The following OR4D1 variants were observed in gnomAD, a reference collection of about 807,000 sequenced individuals.
OR4D1 encodes olfactory receptor 4D1.
A neutral mutation model predicts 14.2 loss-of-function variants in OR4D1; 10 were observed. That is an observed-to-expected ratio of 0.71 (90% CI 0.44 to 1.20). The LOEUF (loss-of-function observed/expected upper bound fraction) is 1.20, where lower values mean the gene tolerates loss of function less well. Ranked by LOEUF, OR4D1 falls within the 50% of genes most tolerant of loss-of-function variation. The pLI is 0.00. For missense variants in OR4D1, 345 were observed against 376.6 expected, an observed-to-expected ratio of 0.92 and a Z score of 0.70; for synonymous variants, 141 against 147.4, an observed-to-expected ratio of 0.96 and a Z score of 0.32.
chr17:58,155,139 G>T lies in OR4D1; in HGVS notation c.-15G>T. ...GTTTCAATGGTTTCTCTGTAGGAACGTGGGGGAAGATCCTATGGAACCACA... is the reference window on the plus strand; with the variant it reads ...GTTTCAATGGTTTCTCTGTAGGAACTTGGGGGAAGATCCTATGGAACCACA... On this transcript the variant is annotated 5_prime_UTR_variant, in exon 4 of 4. Coordinates refer to ENST00000268912, the MANE Select transcript of OR4D1 (RefSeq NM_001386095.1). The T allele has an allele frequency of 6.3e-7, 1 of 1,579,492 alleles. No homozygotes were observed. Among genetic ancestry groups the T allele is most frequent in the South Asian group, 1.1e-5 (1 of 88,156 alleles).
In OR4D1 at chr17:58,155,784, TTCC is replaced by T. The variant is rs1330694024; in HGVS notation, c.639_641del (p.Leu215del). 2 of 1,614,166 alleles carry T rather than the reference TTCC, an allele frequency of 1.2e-6. No individual in the cohort carries two copies. Among genetic ancestry groups the T allele is most frequent in the Admixed American group, 3.3e-5 (2 of 60,008 alleles). ...CAGTGGGCTGCTAGTTATCATCTGG[TTCC>T]TCCTCCTTCTGATCTCTTATACTGT... On this transcript the variant is annotated inframe_deletion, in exon 4 of 4. Transcript: ENST00000268912.
intron 2 of OR4D1, among the ~76,000 whole-genome samples, chr17:58,152,934 G>GA (rs1264388221): frequency 1.3e-5 from 2 of 151,754 alleles, no homozygotes; most frequent in Admixed American, 6.6e-5. Flanking sequence ...GACCCTGTCT[G>GA]AAAAAAAGAA....
In OR4D1 at chr17:58,159,397, G is replaced by A. The variant is rs1967822080; in HGVS notation, c.*3311G>A. ...ATAAAAGAGACTTCATGCAGCATTA[G>A]GCTCGCTAGCCCTTTGGTCTTCTGC... On this transcript the variant is annotated 3_prime_UTR_variant, in exon 4 of 4. Coordinates refer to ENST00000268912, the MANE Select transcript of OR4D1 (RefSeq NM_001386095.1). 1 of 152,222 alleles carries A rather than the reference G, an allele frequency of 6.6e-6. No individual in the cohort carries two copies. The highest frequency in any genetic ancestry group is 1.5e-5 in the Non-Finnish European group (1 of 68,056). The allele number at this position is 152,222 out of a possible 1,614,324, so 9.4% of individuals were successfully genotyped here. A position where few individuals can be genotyped will look rare whatever the true frequency, so the allele number is the denominator to read the frequency against.
At position 58,159,022 on chromosome 17, in the gene OR4D1, A is replaced by ATCCCTCC. The variant is rs1967816962; in HGVS notation, c.*2936_*2937insTCCCTCC. 1 of 152,144 alleles carries ATCCCTCC rather than the reference A, an allele frequency of 6.6e-6. No homozygotes were observed. The highest frequency in any genetic ancestry group is 1.5e-5 in the Non-Finnish European group (1 of 68,026). The allele number at this position is 152,144 out of a possible 1,614,324, so 9.4% of individuals were successfully genotyped here. A position where few individuals can be genotyped will look rare whatever the true frequency, so the allele number is the denominator to read the frequency against. ...CTCCAGTATGCCTTTACCCCTTTGA[A>ATCCCTCC]AGGGTGCCTTGTACAATTGTATATA... On this transcript the variant is annotated 3_prime_UTR_variant, in exon 4 of 4. Transcript: ENST00000268912.
intron 2 of OR4D1, among the ~76,000 whole-genome samples, chr17:58,150,509 A>G (rs750274453): frequency 2.7e-4 from 41 of 152,212 alleles, no homozygotes; most frequent in Admixed American, 9.2e-4. Flanking sequence ...GGGTGAGGGG[A>G]TAACAGACAG....
rs200141774 is a variant in OR4D1, at chr17:58,155,746, T to A, written c.593T>A (p.Leu198His). Residue 198 changes from leucine (L) to histidine (H), a missense_variant, in exon 4 of 4, where the codon CTC becomes CAC. Coordinates refer to ENST00000268912, the MANE Select transcript of OR4D1 (RefSeq NM_001386095.1). Reference sequence around the variant, plus strand: ...ACTGATACCTCCCTCCTGGAGTTCCTCATGATCTCCAACAGTGGGCTGCTA... The same window carrying A: ...ACTGATACCTCCCTCCTGGAGTTCCACATGATCTCCAACAGTGGGCTGCTA... ...ACTDTSLLEF[L>H]MISNSGLLVI... 1.9e-6 allele frequency: 3 copies of A among 1,614,054 alleles called. No homozygotes were observed. The highest frequency in any genetic ancestry group is 2.5e-6 in the Non-Finnish European group (3 of 1,180,014).
At chr17:58,154,934 T>C (rs560989681) in intron 3 of OR4D1, among the ~76,000 whole-genome samples, 1 of 152,342 alleles carries the variant, frequency 6.6e-6, no homozygotes, top group Non-Finnish European at 1.5e-5. Context: ...TGTAATATAC[T>C]GTAGGGCGTG....
chr17:58,153,203 C>T (rs937017120), intron 2 of OR4D1, among the ~76,000 whole-genome samples: 17 of 152,280 alleles, frequency 1.1e-4, no homozygotes, highest in East Asian at 1.9e-4. Context: ...GTGGTTGCTG[C>T]GACAATGCTC....
In OR4D1 at chr17:58,158,409, T is replaced by C. The variant is rs559223873; in HGVS notation, c.*2323T>C. The C allele has an allele frequency of 1.1e-4, 16 of 152,164 alleles. No individual in the cohort carries two copies. The highest frequency in any genetic ancestry group is 1.0e-3 in the Admixed American group (16 of 15,268). 9.4% of individuals were successfully genotyped at this position (152,164 alleles called of 1,614,324 possible). On this transcript the variant is annotated 3_prime_UTR_variant, in exon 4 of 4. Coordinates refer to ENST00000268912, the MANE Select transcript of OR4D1 (RefSeq NM_001386095.1). ...TTTACTTGCATTAAAAGAAACCTTTTTATATACTACCATATTTGTTCCTAT... is the reference window on the plus strand; with the variant it reads ...TTTACTTGCATTAAAAGAAACCTTTCTATATACTACCATATTTGTTCCTAT...
intron 2 of OR4D1, among the ~76,000 whole-genome samples, chr17:58,153,247 G>C (rs1400387497): frequency 6.6e-6 from 1 of 152,194 alleles, no homozygotes; most frequent in Non-Finnish European, 1.5e-5. Flanking sequence ...GCCTGTCTCA[G>C]CTTCCTGCCC....
At chr17:58,152,506 A>T (rs1967714561) in intron 2 of OR4D1, among the ~76,000 whole-genome samples, 1 of 152,244 alleles carries the variant, frequency 6.6e-6, no homozygotes, top group African/African-American at 2.4e-5. Context: ...ACTATTACCA[A>T]CAGTTTGCCA....
rs141202898 is a variant in OR4D1, at chr17:58,158,449, A to ACCCCCC, written c.*2368_*2373dup. 62 of 114,512 alleles carry ACCCCCC rather than the reference A, an allele frequency of 5.4e-4. No individual in the cohort carries two copies. The highest frequency in any genetic ancestry group is 7.0e-4 in the Non-Finnish European group (39 of 55,848). The allele number at this position is 114,512 out of a possible 1,614,324, so 7.1% of individuals were successfully genotyped here. ...TTTGTTCCTATCTCTCCCCACGCCCACCCCCCCCCCACACACACATTTTTA... is the reference window on the plus strand; with the variant it reads ...TTTGTTCCTATCTCTCCCCACGCCCACCCCCCCCCCCCCCCCACACACACATTTTTA... On this transcript the variant is annotated 3_prime_UTR_variant, in exon 4 of 4. Transcript: ENST00000268912.
rs1325391478 is a variant in OR4D1 at position 58,156,715 on chromosome 17, G to C, written c.*629G>C. On this transcript the variant is annotated 3_prime_UTR_variant, in exon 4 of 4. Transcript: ENST00000268912. ...CTTGCCCTGGAACCTGGTTCTTCTT[G>C]ACTCCAAGTTTAGAGGCAAGAAATA... The C allele has an allele frequency of 5.8e-6, 1 of 171,716 alleles. No individual in the cohort carries two copies. Among genetic ancestry groups the C allele is most frequent in the Non-Finnish European group, 1.2e-5 (1 of 80,662 alleles). 10.6% of individuals were successfully genotyped at this position (171,716 alleles called of 1,614,324 possible).
rs1430577327 is a variant in OR4D1 at position 58,155,942 on chromosome 17, C to T, written c.789C>T (p.Thr263=). ...PCIYIYTWPF[T]PFLMDKAVSI... is the part of the protein sequence containing the mutation. ...TCTATATCTATACCTGGCCCTTCAC[C>T]CCATTCCTCATGGACAAGGCTGTGT... The change falls in exon 4 of 4, where the codon ACC becomes ACT. Residue 263 remains threonine (T), a synonymous_variant. Transcript: ENST00000268912. The T allele has an allele frequency of 2.0e-5, 32 of 1,613,960 alleles. No homozygotes were observed. The highest frequency in any genetic ancestry group is 2.5e-5 in the Non-Finnish European group (30 of 1,180,002).
Position 58,156,562 on chromosome 17 carries a change from GT to G in OR4D1, c.*480del. ...CAGCGCCCGGCCTAACACTTCCACA[GT>G]TTTATCTCATTACTTTTCATGAAAC... On this transcript the variant is annotated 3_prime_UTR_variant, in exon 4 of 4. Transcript: ENST00000268912. 6.0e-6 allele frequency: 1 copy of G among 166,914 alleles called. No homozygotes were observed. The highest frequency in any genetic ancestry group is 1.6e-4 in the South Asian group (1 of 6,356). 10.3% of individuals were successfully genotyped at this position (166,914 alleles called of 1,614,324 possible).
rs1436224398 is a variant in OR4D1 at position 58,158,573 on chromosome 17, A to G, written c.*2487A>G. The G allele has an allele frequency of 8.6e-6, 1 of 116,756 alleles. No individual in the cohort carries two copies. Among genetic ancestry groups the G allele is most frequent in the Non-Finnish European group, 1.8e-5 (1 of 54,636 alleles). The allele number at this position is 116,756 out of a possible 1,614,324, so 7.2% of individuals were successfully genotyped here. ...GGAGGTGAGGTAGAAAATTAGAAAT[A>G]CTTCCTAATTCTTCTCAAGGCTGTT... is the stretch of plus-strand genomic sequence containing the variant. On this transcript the variant is annotated 3_prime_UTR_variant, in exon 4 of 4. Transcript: ENST00000268912.
chr17:58,153,789 C>A (rs9908511), intron 2 of OR4D1, among the ~76,000 whole-genome samples, 68 bp from the exon 3 acceptor site: 81,816 of 152,042 alleles, frequency 0.54, 23,411 homozygotes, highest in East Asian at 0.84. Flanking sequence ...AAGCTAATGT[C>A]TTCTAAAACT....
chr17:58,158,942 C>G lies in OR4D1; in HGVS notation c.*2856C>G, dbSNP rs1438416376. 1 of 152,188 alleles carries G rather than the reference C, an allele frequency of 6.6e-6. No individual in the cohort carries two copies. The highest frequency in any genetic ancestry group is 1.5e-5 in the Non-Finnish European group (1 of 68,010). The allele number at this position is 152,188 out of a possible 1,614,324, so 9.4% of individuals were successfully genotyped here. A position where few individuals can be genotyped will look rare whatever the true frequency, so the allele number is the denominator to read the frequency against. ...TTTGACTTGGTGAAAATGGAGTTGCCAAACAGCCCATTAAGCTCCCTGGTA... is the reference window on the plus strand; with the variant it reads ...TTTGACTTGGTGAAAATGGAGTTGCGAAACAGCCCATTAAGCTCCCTGGTA... On this transcript the variant is annotated 3_prime_UTR_variant, in exon 4 of 4. Coordinates refer to ENST00000268912, the MANE Select transcript of OR4D1 (RefSeq NM_001386095.1).
In OR4D1 at chr17:58,155,528, C is replaced by A. The variant is rs371436920; in HGVS notation, c.375C>A (p.Ala125=). The A allele has an allele frequency of 2.5e-6, 4 of 1,614,084 alleles. No individual in the cohort carries two copies. Among genetic ancestry groups the A allele is most frequent in the Non-Finnish European group, 3.4e-6 (4 of 1,180,038 alleles). Residue 125 remains alanine (A), a synonymous_variant, in exon 4 of 4, where the codon GCC becomes GCA. Coordinates refer to ENST00000268912, the MANE Select transcript of OR4D1 (RefSeq NM_001386095.1). ...TCATGGCCTATGACCGCTACATAGC[C>A]ATCTCCCAGCCCCTCCGGTATGTCA... ...LSVMAYDRYI[A]ISQPLRYVTI...
Sources: gnomAD v4.1 joint callset for allele counts (sites outside exome capture counted in the v4.1 genomes callset) on GRCh38, gnomAD v4.1.1 for gene constraint, MANE v1.5 for transcripts, NCBI Gene and HGNC (gene_info 2026-07-23, HGNC 2026-07-21) for gene names.